Variants in SEMA3A observed in about 807,000 individuals in gnomAD.
SEMA3A encodes semaphorin-3A.
SEMA3A carries 29 observed loss-of-function variants against 97.9 expected under a neutral mutation model. The observed-to-expected ratio is 0.30, with a 90% confidence interval of 0.22 to 0.40. The LOEUF is 0.40. SEMA3A is among the 10% of genes least tolerant of loss of function. The pLI is 1.00. For synonymous variants in SEMA3A, 321 were observed against 323.7 expected, an observed-to-expected ratio of 0.99 and a Z score of 0.09; for missense variants, 763 against 951.3, an observed-to-expected ratio of 0.80 and a Z score of 2.60.
chr7:84,040,468 A>C (rs1792099375), intron 6 of SEMA3A, among the ~76,000 whole-genome samples: 1 of 152,114 alleles, frequency 6.6e-6, no homozygotes, highest in Non-Finnish European at 1.5e-5. Flanking sequence ...CCCTGAGCAC[A>C]CTAATCTGAT....
intron 3 of SEMA3A, among the ~76,000 whole-genome samples, chr7:84,254,610 C>T (rs1393008986): frequency 6.6e-6 from 1 of 151,988 alleles, no homozygotes; most frequent in Non-Finnish European, 1.5e-5. Context: ...GTTCTTGACA[C>T]CTCTTCTTTA....
intron 4 of SEMA3A, among the ~76,000 whole-genome samples, chr7:84,076,040 A>G (rs1251134163): frequency 2.6e-5 from 4 of 152,182 alleles, no homozygotes; most frequent in Non-Finnish European, 5.9e-5. Flanking sequence ...TCCTCTACCG[A>G]TTCCAGGATT....
chr7:84,171,586 C>A (rs1378597835), intron 1 of SEMA3A, among the ~76,000 whole-genome samples: 1 of 152,042 alleles, frequency 6.6e-6, no homozygotes, highest in Non-Finnish European at 1.5e-5. Context: ...AATTAAGTTT[C>A]TATAGGCATT....
At chr7:84,231,903 A>T (rs1799124188) in intron 3 of SEMA3A, among the ~76,000 whole-genome samples, 1 of 151,972 alleles carries the variant, frequency 6.6e-6, no homozygotes, top group Non-Finnish European at 1.5e-5. Context: ...CCCAGAGAGG[A>T]TACATGGAAT....
intron 1 of SEMA3A, among the ~76,000 whole-genome samples, chr7:84,409,515 A>G (rs1046070033): frequency 5.9e-5 from 9 of 152,052 alleles, no homozygotes; most frequent in African/African-American, 4.8e-5. Flanking sequence ...AGATCAAGAC[A>G]TGAGGGGGAA....
intron 1 of SEMA3A, among the ~76,000 whole-genome samples, chr7:84,437,008 T>A (rs1379063398): frequency 6.6e-6 from 1 of 152,122 alleles, no homozygotes; most frequent in East Asian, 1.9e-4. Flanking sequence ...TTCAATTCCA[T>A]GACAGGAACA....
upstream of SEMA3A, among the ~76,000 whole-genome samples, chr7:84,197,188 C>T (rs1011377705): frequency 2.6e-5 from 4 of 152,086 alleles, no homozygotes; most frequent in Admixed American, 6.5e-5. Context: ...CCTCCATATA[C>T]ACACGATTTT....
rs200105983 is a variant in SEMA3A at position 84,270,500 on chromosome 7, TTC to T, written c.-83+36705_-83+36706del. ...TTGGCAATAATATCTTTTTCTTTCT[TTC>T]TCTCTCTCTCTCTCTATATGCATAT... On this transcript the variant is annotated intron_variant, in intron 3 of 3. Coordinates refer to the SEMA3A transcript ENST00000424555. 6.5e-3 allele frequency among the ~76,000 whole-genome samples: 963 copies of T among 147,932 alleles called. 42 individuals are homozygous for T. The East Asian group carries it at 0.12, about 18-fold the overall frequency.
intron 2 of SEMA3A, among the ~76,000 whole-genome samples, chr7:84,331,162 C>G (rs1167261046): frequency 6.6e-6 from 1 of 152,028 alleles, no homozygotes; most frequent in Admixed American, 6.6e-5. Context: ...TACTTTGAAG[C>G]CATCCAATCT....
intron 4 of SEMA3A, among the ~76,000 whole-genome samples, chr7:84,095,034 T>TACAC (rs201130876): frequency 5.4e-5 from 8 of 148,520 alleles, no homozygotes; most frequent in African/African-American, 1.7e-4. Flanking sequence ...CATACACACT[T>TACAC]ACACACACAC....
At chr7:84,351,576 T>A (rs1562914941) in intron 2 of SEMA3A, among the ~76,000 whole-genome samples, 1 of 152,090 alleles carries the variant, frequency 6.6e-6, no homozygotes, top group Non-Finnish European at 1.5e-5. Context: ...AATAGATATT[T>A]TTCAAAAGAA....
intron 2 of SEMA3A, chr7:84,371,792 C>T (rs754508122): frequency 5.9e-5 from 9 of 151,880 alleles, no homozygotes; most frequent in Non-Finnish European, 1.3e-4. Flanking sequence ...AGTCATATGC[C>T]TTTTAAAGAT....
At chr7:84,429,782 C>T (rs1321291457) in intron 1 of SEMA3A, among the ~76,000 whole-genome samples, 2 of 150,812 alleles carry the variant, frequency 1.3e-5, no homozygotes, top group Non-Finnish European at 1.5e-5. Flanking sequence ...AAAGAATAGA[C>T]GGTGTAAATA....
chr7:84,173,668 A>G (rs1171683585), intron 1 of SEMA3A, among the ~76,000 whole-genome samples: 3 of 152,116 alleles, frequency 2.0e-5, no homozygotes, highest in African/African-American at 4.8e-5. Context: ...GAAACCCAGC[A>G]TGACTCAAGG....
chr7:84,057,191 T>A (rs1284981995), intron 5 of SEMA3A, among the ~76,000 whole-genome samples: 1 of 152,144 alleles, frequency 6.6e-6, no homozygotes, highest in Non-Finnish European at 1.5e-5. Context: ...TTGAAATAGG[T>A]CTCAATAATA....
chr7:84,072,466 G>T (rs556521026), intron 4 of SEMA3A, among the ~76,000 whole-genome samples: 52 of 152,088 alleles, frequency 3.4e-4, no homozygotes, highest in Non-Finnish European at 6.5e-4. Flanking sequence ...GCAAGCGGAG[G>T]AGGAAACTGG....
intron 6 of SEMA3A, among the ~76,000 whole-genome samples, chr7:84,041,774 A>G (rs1192202117): frequency 6.6e-6 from 1 of 152,076 alleles, no homozygotes; most frequent in East Asian, 1.9e-4. Context: ...CATCTGCTCA[A>G]ATAACCATAA....
At chr7:84,178,001 T>C (rs1259027024) in intron 1 of SEMA3A, among the ~76,000 whole-genome samples, 1 of 152,112 alleles carries the variant, frequency 6.6e-6, no homozygotes, top group East Asian at 1.9e-4. Flanking sequence ...TAATAGAAAG[T>C]CACACACAAC....
chr7:84,403,830 G>A (rs998223808), intron 1 of SEMA3A, among the ~76,000 whole-genome samples: 6 of 152,084 alleles, frequency 3.9e-5, no homozygotes, highest in African/African-American at 1.4e-4. Flanking sequence ...TGCAGCTGAG[G>A]GTCCTGACTG....
Sources: gnomAD v4.1 joint callset for allele counts (sites outside exome capture counted in the v4.1 genomes callset) on GRCh38, gnomAD v4.1.1 for gene constraint, MANE v1.5 for transcripts, NCBI Gene and HGNC (gene_info 2026-07-23, HGNC 2026-07-21) for gene names.